The following YJU2 variants were observed in gnomAD, a reference collection of about 807,000 sequenced individuals.
The protein encoded by YJU2 is splicing factor YJU2.
A neutral mutation model predicts 39.6 loss-of-function variants in YJU2; 28 were observed. The observed-to-expected ratio is 0.71, with a 90% CI of 0.52 to 0.97. The LOEUF (loss-of-function observed/expected upper bound fraction) is 0.97. Among genes scored for constraint, YJU2 ranks in the 50% least tolerant of loss-of-function variants. The pLI is 0.00. For synonymous variants in YJU2, 184 were observed against 182.4 expected, an observed-to-expected ratio of 1.01 and a Z score of -0.07; for missense variants, 328 against 430.4, an observed-to-expected ratio of 0.76 and a Z score of 2.11.
At chr19:4,249,464 T>TCCTTCGCC (rs1970958063) in intron 2 of YJU2, 136 bp downstream of exon 2, 8 of 606,416 alleles carry the variant, frequency 1.3e-5, no homozygotes, top group Non-Finnish European at 2.3e-5. Context: ...ACATTGACCA[T>TCCTTCGCC]TCCAACCCTC....
intron 5 of YJU2, among the ~76,000 whole-genome samples, chr19:4,259,372 C>T (rs901323676): frequency 6.6e-6 from 1 of 151,750 alleles, no homozygotes; most frequent in African/African-American, 2.4e-5. Flanking sequence ...AGCCACCGCG[C>T]CCGGACGACG....
At chr19:4,259,882 G>A (rs189367420) in intron 5 of YJU2, among the ~76,000 whole-genome samples, 4 of 152,250 alleles carry the variant, frequency 2.6e-5, no homozygotes, top group South Asian at 2.1e-4. Flanking sequence ...CAGCGATACC[G>A]TGCAGAACAG....
intron 6 of YJU2, among the ~76,000 whole-genome samples, chr19:4,264,578 C>G (rs1469543735): frequency 6.6e-6 from 1 of 151,810 alleles, no homozygotes; most frequent in African/African-American, 2.4e-5. Context: ...CCTTCGCCCC[C>G]CGGGTTCAAG....
At chr19:4,255,387 C>T (rs1044116239) in intron 4 of YJU2, among the ~76,000 whole-genome samples, 5 of 152,048 alleles carry the variant, frequency 3.3e-5, no homozygotes, top group African/African-American at 1.2e-4. Context: ...AGTCAAAGAC[C>T]AGCCTGGGCA....
intron 1 of YJU2, among the ~76,000 whole-genome samples, chr19:4,248,951 T>C (rs1022374130): frequency 6.6e-6 from 1 of 152,090 alleles, no homozygotes; most frequent in Non-Finnish European, 1.5e-5. Flanking sequence ...CCTGGCTTTT[T>C]AGAGCTTCCC....
chr19:4,262,191 T>A, intron 6 of YJU2, 77 bp downstream of exon 6: 1 of 1,472,744 alleles, frequency 6.8e-7, no homozygotes, highest in Non-Finnish European at 9.1e-7. Flanking sequence ...CTTGACTTTT[T>A]CTTTTGTTTT....
chr19:4,254,057 G>T (rs1400807894), intron 3 of YJU2, among the ~76,000 whole-genome samples: 1 of 152,106 alleles, frequency 6.6e-6, no homozygotes, highest in East Asian at 1.9e-4. Flanking sequence ...TGATCCACCT[G>T]CCTCATTGGA....
Position 4,247,134 on chromosome 19 carries a change from T to A in YJU2, c.-13T>A, listed in dbSNP as rs777127587. 1.2e-6 allele frequency: 2 copies of A among 1,613,726 alleles called. No individual in the cohort carries two copies. Among genetic ancestry groups the A allele is most frequent in the South Asian group, 1.1e-5 (1 of 91,072 alleles). The stretch of plus-strand genomic sequence containing the variant: ...CATTTCTCAGGTGCTTGCGAGGTGA[T>A]CAGAAGGCAAAGATGTCGGAGCGAA... On this transcript the variant is annotated 5_prime_UTR_variant, in exon 1 of 8. Coordinates refer to ENST00000262962, the MANE Select transcript of YJU2 (RefSeq NM_018074.6).
In YJU2 at chr19:4,268,675, C is replaced by T; in HGVS notation, c.951C>T (p.Asp317=). 5 of 1,613,494 alleles carry T rather than the reference C, an allele frequency of 3.1e-6. No individual in the cohort carries two copies. The highest frequency in any genetic ancestry group is 1.3e-5 in the African/African-American group (1 of 75,062). Residue 317 remains aspartate, a synonymous_variant, in exon 8 of 8, where the codon GAC becomes GAT. Coordinates refer to ENST00000262962, the MANE Select transcript of YJU2 (RefSeq NM_018074.6). ...AACTGGGTGCATACCTGGACAGTGA[C>T]GACAGCAACGGCAGCAACTGAGCCC... ...LSQLGAYLDS[D]DSNGSN
chr19:4,252,156 T>C (rs552664253), intron 3 of YJU2, among the ~76,000 whole-genome samples: 307 of 151,962 alleles, frequency 2.0e-3, no homozygotes, highest in Admixed American at 4.3e-3. Context: ...TAAGCTTTTT[T>C]TCTTTGATTA....
chr19:4,249,409 G>C (rs758550599), intron 2 of YJU2, 81 bp downstream of exon 2: 1 of 880,000 alleles, frequency 1.1e-6, no homozygotes, highest in Middle Eastern at 2.2e-4. Flanking sequence ...TGACTCGTCC[G>C]GTGTTAAGAC....
chr19:4,254,522 G>T (rs367882752), intron 4 of YJU2, 33 bp downstream of exon 4: 6 of 1,543,616 alleles, frequency 3.9e-6, no homozygotes, highest in Non-Finnish European at 5.3e-6. Context: ...GTTCATGGGC[G>T]CTGTGTGTGT....
intron 3 of YJU2, among the ~76,000 whole-genome samples, 168 bp from the exon 4 acceptor site, chr19:4,254,187 A>C (rs1432166202): frequency 6.6e-6 from 1 of 152,106 alleles, no homozygotes; most frequent in East Asian, 1.9e-4. Flanking sequence ...TGGAGATGGG[A>C]GGAGCACTAG....
chr19:4,247,585 GTGTGTGTGTGTGTGTGTGTGTGTGT>G (rs1970933685), intron 1 of YJU2, among the ~76,000 whole-genome samples: 1 of 27,490 alleles, frequency 3.6e-5, no homozygotes, highest in East Asian at 8.6e-4. Flanking sequence ...GGTGGCGCGT[GTGTGTGTGTGTGTGTGTGTGTGTGT>G]GTGTGTGTGT....
At chr19:4,259,422 C>T (rs1043621811) in intron 5 of YJU2, among the ~76,000 whole-genome samples, 1 of 152,254 alleles carries the variant, frequency 6.6e-6, no homozygotes, top group East Asian at 1.9e-4. Context: ...CTCTGCCGCC[C>T]AGGCTGGAGT....
chr19:4,264,261 C>CAAAAA (rs748910280), intron 6 of YJU2, among the ~76,000 whole-genome samples: 95 of 43,692 alleles, frequency 2.2e-3, no homozygotes, highest in Non-Finnish European at 3.6e-3. Context: ...GACTCTGTCT[C>CAAAAA]AAAAAAAAAA....
intron 1 of YJU2, among the ~76,000 whole-genome samples, chr19:4,248,412 C>A (rs75313019): frequency 0.032 from 4,909 of 152,262 alleles, 270 homozygotes; most frequent in African/African-American, 0.11. Flanking sequence ...ACAGTGTGCG[C>A]ATTTCACAGA....
chr19:4,265,596 CTTT>C (rs1053853456), intron 6 of YJU2, among the ~76,000 whole-genome samples: 2 of 139,386 alleles, frequency 1.4e-5, no homozygotes, highest in Non-Finnish European at 3.1e-5. Context: ...ACCTAGGTAA[CTTT>C]TTTTTTTTTG....
At chr19:4,267,124 C>T (rs1971121785) in intron 6 of YJU2, among the ~76,000 whole-genome samples, 1 of 152,176 alleles carries the variant, frequency 6.6e-6, no homozygotes, top group East Asian at 1.9e-4. Flanking sequence ...GTGCCAGGAA[C>T]TGTTTGTGGC....
Sources: allele counts gnomAD v4.1 joint callset (sites outside exome capture counted in the v4.1 genomes callset), GRCh38; gene constraint gnomAD v4.1.1; transcripts MANE v1.5; gene names NCBI Gene and HGNC (gene_info 2026-07-23, HGNC 2026-07-21).